The following TNFSF4 variants were observed in gnomAD, a reference collection of about 807,000 sequenced individuals.
The protein encoded by TNFSF4 is tumor necrosis factor ligand superfamily member 4.
Under a neutral mutation model 7.3 loss-of-function variants are expected in TNFSF4, and 4 were observed. The ratio of observed to expected loss-of-function variants is 0.55; its 90% CI spans 0.27 to 1.25. The LOEUF is 1.25. TNFSF4 is among the 50% of genes most tolerant of loss of function. The probability of loss-of-function intolerance (pLI) is 0.12; values close to 1 mark genes in which losing one functional copy is unlikely to be tolerated. For synonymous variants in TNFSF4, 76 were observed against 83.7 expected (o/e 0.91, Z 0.50); for missense variants, 181 against 208.8 (o/e 0.87, Z 0.82).
chr1:173,188,655 G>C, intron 1 of TNFSF4, 86 bp from the exon 2 acceptor site: 1 of 1,096,058 alleles, frequency 9.1e-7, no homozygotes, highest in Non-Finnish European at 1.4e-6. Flanking sequence ...CAGTGAAGCA[G>C]AAATGCAGTA....
At chr1:173,396,924 A>G in the TNFSF4 span, among the ~76,000 whole-genome samples, 1 of 152,242 alleles carries the variant, frequency 6.6e-6, no homozygotes, top group Non-Finnish European at 1.5e-5. Context: ...CACACCTCAC[A>G]GTGGAAGCTG....
chr1:173,251,685 C>G, the TNFSF4 span, among the ~76,000 whole-genome samples: 1 of 152,132 alleles, frequency 6.6e-6, no homozygotes, highest in Non-Finnish European at 1.5e-5. Flanking sequence ...CAGTTTCTAT[C>G]CCATAGAGGT....
downstream of TNFSF4, among the ~76,000 whole-genome samples, chr1:173,181,453 A>G (rs1428597938): frequency 6.6e-6 from 1 of 152,174 alleles, no homozygotes; most frequent in Non-Finnish European, 1.5e-5. Context: ...TCCGCTCCTA[A>G]CATCCCTCTG....
chr1:173,264,007 G>A, the TNFSF4 span, among the ~76,000 whole-genome samples: 1 of 152,092 alleles, frequency 6.6e-6, no homozygotes, highest in African/African-American at 2.4e-5. Flanking sequence ...AGGGAGAGGA[G>A]CAGAAAAAAT....
At chr1:173,430,627 T>A in the TNFSF4 span, among the ~76,000 whole-genome samples, 1 of 152,232 alleles carries the variant, frequency 6.6e-6, no homozygotes, top group Non-Finnish European at 1.5e-5. Context: ...GCATAGCAAA[T>A]AGGGCTCCAT....
At chr1:173,420,566 C>A in the TNFSF4 span, among the ~76,000 whole-genome samples, 2 of 152,124 alleles carry the variant, frequency 1.3e-5, no homozygotes, top group East Asian at 3.8e-4. Flanking sequence ...GGCCAGTAGA[C>A]CCTACCCTCC....
the TNFSF4 span, among the ~76,000 whole-genome samples, chr1:173,409,238 T>A: frequency 0.54 from 82,083 of 152,024 alleles, 24,044 homozygotes; most frequent in Middle Eastern, 0.71. Flanking sequence ...ACTGAGGAAC[T>A]CCCCTACTCT....
chr1:173,422,713 G>C, the TNFSF4 span, among the ~76,000 whole-genome samples: 231 of 152,316 alleles, frequency 1.5e-3, 1 homozygote, highest in African/African-American at 5.3e-3. Context: ...GTGCAGAGGA[G>C]GGGGAGACAA....
the TNFSF4 span, among the ~76,000 whole-genome samples, chr1:173,265,715 G>A: frequency 2.0e-5 from 3 of 152,008 alleles, no homozygotes; most frequent in African/African-American, 4.8e-5. Context: ...CCAACCACAT[G>A]ACTCCCTTCT....
chr1:173,431,370 A>G, the TNFSF4 span, among the ~76,000 whole-genome samples: 1 of 152,232 alleles, frequency 6.6e-6, no homozygotes, highest in African/African-American at 2.4e-5. Flanking sequence ...TCTGGGCACT[A>G]GAGGGCGCTC....
chr1:173,316,020 T>G, the TNFSF4 span, among the ~76,000 whole-genome samples: 1 of 152,184 alleles, frequency 6.6e-6, no homozygotes, highest in Non-Finnish European at 1.5e-5. Flanking sequence ...TTTCATGGTT[T>G]TAGGTCCTGC....
At chr1:173,248,681 G>A in the TNFSF4 span, among the ~76,000 whole-genome samples, 1 of 152,162 alleles carries the variant, frequency 6.6e-6, no homozygotes, top group Non-Finnish European at 1.5e-5. Context: ...AAGAGAGGCA[G>A]GCGGGAGCCA....
the TNFSF4 span, among the ~76,000 whole-genome samples, chr1:173,293,243 C>T: frequency 6.6e-6 from 1 of 152,090 alleles, no homozygotes; most frequent in East Asian, 1.9e-4. Context: ...ACCAAAACAG[C>T]ATAGTATTGG....
At chr1:173,367,723 A>C in the TNFSF4 span, among the ~76,000 whole-genome samples, 1 of 152,218 alleles carries the variant, frequency 6.6e-6, no homozygotes, top group African/African-American at 2.4e-5. Flanking sequence ...CTGCCTCTGA[A>C]CATAAGACCC....
the TNFSF4 span, among the ~76,000 whole-genome samples, chr1:173,248,370 AGAAAGAAAGAAG>A: frequency 4.6e-5 from 7 of 150,652 alleles, no homozygotes; most frequent in Non-Finnish European, 8.9e-5. Context: ...AAACAAAGGA[AGAAAGAAAGAAG>A]GAAAGAAAGA....
the TNFSF4 span, chr1:173,351,812 C>A: frequency 1.6e-6 from 1 of 607,606 alleles, no homozygotes; most frequent in Non-Finnish European, 3.1e-6. Flanking sequence ...AATATGTCAT[C>A]TACATTGAAT....
At chr1:173,196,447 C>A (rs1034800136) in intron 1 of TNFSF4, among the ~76,000 whole-genome samples, 2 of 152,158 alleles carry the variant, frequency 1.3e-5, no homozygotes, top group Admixed American at 6.6e-5. Flanking sequence ...CTCTCTTAAC[C>A]TCCACCTTCC....
At chr1:173,375,605 G>A in the TNFSF4 span, among the ~76,000 whole-genome samples, 15 of 152,132 alleles carry the variant, frequency 9.9e-5, no homozygotes, top group African/African-American at 3.6e-4. Flanking sequence ...TCTGTAAAAT[G>A]CACCAATCAG....
At chr1:173,227,499 T>G in the TNFSF4 span, among the ~76,000 whole-genome samples, 1 of 152,198 alleles carries the variant, frequency 6.6e-6, no homozygotes, top group East Asian at 1.9e-4. Context: ...GCATGAGTGA[T>G]GCAGAAGACA....
Sources: allele counts gnomAD v4.1 joint callset (sites outside exome capture counted in the v4.1 genomes callset), GRCh38; gene constraint gnomAD v4.1.1; transcripts MANE v1.5; gene names NCBI Gene and HGNC (gene_info 2026-07-23, HGNC 2026-07-21).